SEMA3G: variants seen among roughly 807,000 people sequenced by gnomAD.
The protein encoded by SEMA3G is semaphorin 3G.
A neutral mutation model predicts 86.2 loss-of-function variants in SEMA3G; 70 were observed. The ratio of observed to expected loss-of-function variants is 0.81; its 90% CI spans 0.67 to 0.99. The LOEUF is 0.99. SEMA3G is among the 50% of genes least tolerant of loss of function. The pLI, the probability that SEMA3G is intolerant of heterozygous loss-of-function variation, is 0.00. For missense variants in SEMA3G, 1,002 were observed against 1,072.4 expected (o/e 0.93, Z 0.92); for synonymous variants, 416 against 441.4 (o/e 0.94, Z 0.72).
In SEMA3G at chr3:52,444,709, GCA is replaced by G. The variant is rs1201382367; in HGVS notation, c.115+202_115+203del. On this transcript the variant is annotated intron_variant, in intron 1 of 15. Coordinates refer to ENST00000231721, the MANE Select transcript of SEMA3G (RefSeq NM_020163.3). The stretch of plus-strand genomic sequence containing the variant: ...AACTCGGCACACGCACACAAACTCG[GCA>G]CACGCACACAAACACGGCACACGCA... Among the ~76,000 whole-genome samples, 116 of 101,024 alleles carry G rather than the reference GCA, an allele frequency of 1.1e-3. 3 individuals are homozygous for G. The highest frequency in any genetic ancestry group is 0.013 in the Middle Eastern group (2 of 160). 66.3% of individuals were successfully genotyped at this position (101,024 alleles called of 152,430 possible).
rs773054985 is a variant in SEMA3G, at chr3:52,436,042, T to C, written c.1910A>G (p.Glu637Gly). ...AAGCCTGCGGAACAGCAGCCCCCGC[T>C]CCGTGTGCAAGACTCGCTCGTCCGT... ...VKTDERVLHTERGLLFRRLSR... is the reference protein window; with the variant it reads ...VKTDERVLHTGRGLLFRRLSR... Residue 637 changes from glutamate (E) to glycine (G), a missense_variant, in exon 16 of 16, where the codon GAG (glutamate) becomes GGG (glycine). Transcript: ENST00000231721. The C allele has an allele frequency of 6.2e-7, 1 of 1,612,562 alleles. No homozygotes were observed. Among genetic ancestry groups the C allele is most frequent in the Admixed American group, 1.7e-5 (1 of 60,008 alleles).
rs1201885053 is a variant in SEMA3G at position 52,438,138 on chromosome 3, G to A, written c.1571C>T (p.Thr524Ile). Residue 524 changes from threonine (T) to isoleucine (I), a missense_variant, in exon 14 of 16, where the codon ACT becomes ATT. By Grantham distance (89) the Thr-to-Ile change is moderately conservative. Transcript: ENST00000231721. ...GCACTCTGCACAGGCAGTGCCGTAA[G>A]TCTCACATTGGTGCAGCCGCAGCTG... ...VAQLRLHQCE[T>I]YGTACAECCL... is the part of the protein sequence containing the mutation. 3 of 1,613,296 alleles carry A rather than the reference G, an allele frequency of 1.9e-6. No homozygotes were observed. The highest frequency in any genetic ancestry group is 2.2e-5 in the East Asian group (1 of 44,874).
rs1182733085 is a variant in SEMA3G at position 52,438,013 on chromosome 3, G to A, written c.1696C>T (p.His566Tyr). Residue 566 changes from histidine to tyrosine, a missense_variant, in exon 14 of 16, where the codon CAC (histidine) becomes TAC (tyrosine). Transcript: ENST00000231721. ...AGGCACTGCAGGGCAGGGTTGCCGTGCCGGATGTCCTGCCGGCGGAACCGG... is the reference window on the plus strand; with the variant it reads ...AGGCACTGCAGGGCAGGGTTGCCGTACCGGATGTCCTGCCGGCGGAACCGG... ...KRRFRRQDIR[H>Y]GNPALQCLGQ... 3 of 1,612,856 alleles carry A rather than the reference G, an allele frequency of 1.9e-6. No individual in the cohort carries two copies. The highest frequency in any genetic ancestry group is 1.3e-5 in the African/African-American group (1 of 74,952).
intron 15 of SEMA3G, among the ~76,000 whole-genome samples, chr3:52,436,868 A>G (rs1393231513): frequency 6.6e-6 from 1 of 152,160 alleles, no homozygotes; most frequent in African/African-American, 2.4e-5. Flanking sequence ...GGCCTCCCCC[A>G]GTTCCCAGGC....
In SEMA3G at chr3:52,441,630, C is replaced by A; in HGVS notation, c.611G>T (p.Arg204Leu). The A allele has an allele frequency of 6.2e-7, 1 of 1,613,768 alleles. No homozygotes were observed. Among genetic ancestry groups the A allele is most frequent in the Non-Finnish European group, 8.5e-7 (1 of 1,180,002 alleles). Residue 204 changes from arginine (R) to leucine (L), a missense_variant, in exon 6 of 16, where the codon CGA (arginine) becomes CTA (leucine). Transcript: ENST00000231721. Reference sequence around the variant, plus strand: ...CAGAGCTGGCCGAGGACCTCCACTTCGGAAGATCATGGCCTCTCGCCCCAG... The same window carrying A: ...CAGAGCTGGCCGAGGACCTCCACTTAGGAAGATCATGGCCTCTCGCCCCAG... ...DFLGREAMIF[R>L]SGGPRPALRS...
intron 12 of SEMA3G, among the ~76,000 whole-genome samples, chr3:52,439,462 C>G (rs1392523394): frequency 6.6e-6 from 1 of 152,186 alleles, no homozygotes; most frequent in Non-Finnish European, 1.5e-5. Context: ...AGCTCTGGGC[C>G]TCCAGTCATT....
intron 8 of SEMA3G, 30 bp from the exon 9 acceptor site, chr3:52,440,853 T>C (rs1196475066): frequency 1.2e-6 from 2 of 1,607,378 alleles, no homozygotes; most frequent in South Asian, 1.1e-5. Flanking sequence ...ATGAGTGTCA[T>C]GGCCACCGCC....
rs1706162240 is a variant in SEMA3G at position 52,441,777 on chromosome 3, T to C, written c.550+42A>G. On this transcript the variant is annotated intron_variant, in intron 5 of 15. Transcript: ENST00000231721. ...TCCCTTCCCAGTGACATAGGCCAGC[T>C]GCCACCCTCCCTGTTCTCACCCTGG... The C allele has an allele frequency of 1.9e-6, 3 of 1,593,174 alleles. No homozygotes were observed. In the Admixed American group the frequency reaches 5.0e-5, roughly 27 times the overall value.
At chr3:52,444,628 CCAAACAGGGCACACGCACA>C (rs1433573923) in intron 1 of SEMA3G, among the ~76,000 whole-genome samples, 17 of 130,228 alleles carry the variant, frequency 1.3e-4, no homozygotes, top group Admixed American at 3.3e-4. Flanking sequence ...GCACATGCAC[CCAAACAGGGCACACGCACA>C]CAAACAGGGC....
chr3:52,439,481 G>A (rs1461155381), intron 12 of SEMA3G, among the ~76,000 whole-genome samples, 199 bp downstream of exon 12: 1 of 152,154 alleles, frequency 6.6e-6, no homozygotes, highest in East Asian at 1.9e-4. Flanking sequence ...TTCATAAGTG[G>A]CTGCGAGGCC....
chr3:52,437,454 C>G (rs944588916), intron 15 of SEMA3G, 73 bp downstream of exon 15: 5 of 1,455,156 alleles, frequency 3.4e-6, no homozygotes, highest in Admixed American at 2.1e-5. Context: ...TTCTGGGGCT[C>G]AGGTCTTGGG....
In SEMA3G at chr3:52,441,600, G is replaced by GA. The variant is rs770867490; in HGVS notation, c.640dup (p.Ser214PhefsTer4). On this transcript the variant is annotated frameshift_variant, in exon 6 of 16. Transcript: ENST00000231721. LOFTEE classifies it high-confidence loss of function. ...GTGCAAGAGACTCTGGTCAGAGTCG[G>GA]AACGCAGAGCTGGCCGAGGACCTCC... is the stretch of plus-strand genomic sequence containing the variant. The GA allele has an allele frequency of 2.3e-5, 37 of 1,613,566 alleles. No homozygotes were observed. The Admixed American group carries it at 4.5e-4, about 20-fold the overall frequency.
chr3:52,442,238 T>C lies in SEMA3G; in HGVS notation c.406A>G (p.Thr136Ala). The change falls in exon 4 of 16, where the codon ACT becomes GCT. Residue 136 changes from threonine (T) to alanine (A), a missense_variant. Thr to Ala is a moderately conservative substitution (Grantham distance 58). Transcript: ENST00000231721. This position sits in a 1 kb window ranked among gnomAD's most constrained non-coding sequence, Gnocchi z 6.1. ...GCACAGGTGGGCTGGAAGGCCCCAG[T>C]GCCACAGGCTAGCAGGTGGGTCCGG... The part of the protein sequence containing the change: ...HNRTHLLACG[T>A]GAFQPTCALI... The C allele has an allele frequency of 6.2e-7, 1 of 1,613,806 alleles. No homozygotes were observed. Among genetic ancestry groups the C allele is most frequent in the Non-Finnish European group, 8.5e-7 (1 of 1,179,920 alleles).
At chr3:52,436,117 G>A in intron 15 of SEMA3G, 44 bp from the exon 16 acceptor site, 1 of 1,546,062 alleles carries the variant, frequency 6.5e-7, no homozygotes, top group Non-Finnish European at 8.7e-7. Flanking sequence ...CAAGGTGGGA[G>A]TTTACCATCG....
chr3:52,433,787 ACT>A lies in SEMA3G; in HGVS notation c.*1814_*1815del, dbSNP rs1357604873. The A allele has an allele frequency of 1.3e-5, 2 of 150,872 alleles. No individual in the cohort carries two copies. Among genetic ancestry groups the A allele is most frequent in the African/African-American group, 4.9e-5 (2 of 40,728 alleles). 9.3% of individuals were successfully genotyped at this position (150,872 alleles called of 1,614,324 possible). On this transcript the variant is annotated 3_prime_UTR_variant, in exon 16 of 16. Coordinates refer to ENST00000231721, the MANE Select transcript of SEMA3G (RefSeq NM_020163.3). ...CTGATACCCTTTCCTGGAGCTCTGCACTCTCTCCTCCCCTCTTTAATCCCCTC... is the reference window on the plus strand; with the variant it reads ...CTGATACCCTTTCCTGGAGCTCTGCACTCTCCTCCCCTCTTTAATCCCCTC...
intron 10 of SEMA3G, 133 bp downstream of exon 10, chr3:52,440,242 CAG>C: frequency 8.8e-7 from 1 of 1,138,888 alleles, no homozygotes; most frequent in Non-Finnish European, 1.2e-6. Context: ...CCACCCCACC[CAG>C]GCCCTCTGGA....
At chr3:52,441,529 G>T in intron 6 of SEMA3G, 45 bp downstream of exon 6, 1 of 1,589,650 alleles carries the variant, frequency 6.3e-7, no homozygotes, top group Non-Finnish European at 8.6e-7. Flanking sequence ...TCCTAGCTGG[G>T]AAGGTAGCCT....
Position 52,440,816 on chromosome 3 carries a change from C to A in SEMA3G, c.936G>T (p.Val312=). ...TCCCGGCCTTGGGCCACAGCAGGAA[C>A]ACATCCTCTGGGGTAGAGAAAGGAG... The part of the protein sequence containing the change: ...AETHFDQLED[V]FLLWPKAGKS... Residue 312 remains valine (V), a synonymous_variant, in exon 9 of 16, where the codon GTG becomes GTT. Coordinates refer to ENST00000231721, the MANE Select transcript of SEMA3G (RefSeq NM_020163.3). 6.2e-7 allele frequency: 1 copy of A among 1,612,650 alleles called. No individual in the cohort carries two copies. Among genetic ancestry groups the A allele is most frequent in the South Asian group, 1.1e-5 (1 of 91,060 alleles).
At position 52,442,446 on chromosome 3, in the gene SEMA3G, C is replaced by G; in HGVS notation, c.339+113G>C. 2 of 1,380,272 alleles carry G rather than the reference C, an allele frequency of 1.4e-6. No homozygotes were observed. The highest frequency in any genetic ancestry group is 2.4e-5 in the South Asian group (2 of 82,812). The allele number at this position is 1,380,272 out of a possible 1,614,324, so 85.5% of individuals were successfully genotyped here. ...TTCCCAGCAGACCTTCAAAAGCCCT[C>G]AAGATCTGCTCCAAATGCCCCTGGT... On this transcript the variant is annotated intron_variant, in intron 3 of 15. Transcript: ENST00000231721. The surrounding 1 kb of genome is among the most constrained non-coding windows in gnomAD (Gnocchi z 6.1).
Sources: allele counts gnomAD v4.1 joint callset (sites outside exome capture counted in the v4.1 genomes callset), GRCh38; gene constraint gnomAD v4.1.1; non-coding constraint Gnocchi (gnomAD v3.1); transcripts MANE v1.5; gene names NCBI Gene and HGNC (gene_info 2026-07-23, HGNC 2026-07-21).